Variants in STAT3 observed in about 807,000 individuals in gnomAD.
STAT3 encodes the protein signal transducer and activator of transcription 3.
Under a neutral mutation model 114.3 loss-of-function variants are expected in STAT3, and 7 were observed. That is an observed-to-expected ratio of 0.06 (90% confidence interval 0.03 to 0.11). The LOEUF is 0.11. Ranked by LOEUF, STAT3 falls within the 10% of genes least tolerant of loss-of-function variation. STAT3 has a pLI of 1.00. For synonymous variants in STAT3, 331 were observed against 354.5 expected, an observed-to-expected ratio of 0.93 and a Z score of 0.74; for missense variants, 364 against 960.9, an observed-to-expected ratio of 0.38 and a Z score of 8.21.
intron 1 of STAT3, among the ~76,000 whole-genome samples, chr17:42,384,716 G>C (rs1336738882): frequency 6.6e-6 from 1 of 151,932 alleles, no homozygotes; most frequent in Non-Finnish European, 1.5e-5. Context: ...CACCAGGCCT[G>C]GCTAATTTTT....
At chr17:42,360,243 G>T (rs893324794) in intron 1 of STAT3, among the ~76,000 whole-genome samples, 5 of 151,366 alleles carry the variant, frequency 3.3e-5, no homozygotes, top group African/African-American at 1.2e-4. Context: ...ATCTTGCCCA[G>T]GCTGGTCTCG....
chr17:42,349,540 C>T (rs2082846807), intron 1 of STAT3, among the ~76,000 whole-genome samples: 3 of 152,178 alleles, frequency 2.0e-5, no homozygotes, highest in Non-Finnish European at 1.5e-5. Context: ...GAAGATCTGC[C>T]TGAGATTCTC....
chr17:42,376,648 C>T (rs35987545), intron 1 of STAT3, among the ~76,000 whole-genome samples: 35 of 151,624 alleles, frequency 2.3e-4, no homozygotes, highest in African/African-American at 8.2e-4. Context: ...AGATAGAGAC[C>T]ATCCTGGCTA....
chr17:42,337,371 C>A lies in STAT3; in HGVS notation c.797+64G>T. 6.3e-7 allele frequency: 1 copy of A among 1,596,352 alleles called. No homozygotes were observed. The highest frequency in any genetic ancestry group is 8.6e-7 in the Non-Finnish European group (1 of 1,167,808). On this transcript the variant is annotated intron_variant, in intron 8 of 23. Transcript: ENST00000264657. This position sits in a 1 kb window ranked among gnomAD's most constrained non-coding sequence, Gnocchi z 4.0. Reference sequence around the variant, plus strand: ...ATATAGTACCAATTCTGTGGGCCTGCAGTTAAGATCAGAATTCAATCTAGC... The same window carrying A: ...ATATAGTACCAATTCTGTGGGCCTGAAGTTAAGATCAGAATTCAATCTAGC...
At chr17:42,366,065 T>C (rs958521180) in intron 1 of STAT3, among the ~76,000 whole-genome samples, 3 of 152,214 alleles carry the variant, frequency 2.0e-5, no homozygotes, top group Non-Finnish European at 4.4e-5. Flanking sequence ...CTCAAATTTA[T>C]GTCTCTAGCC....
intron 1 of STAT3, among the ~76,000 whole-genome samples, chr17:42,357,463 G>A (rs1347981476): frequency 6.6e-6 from 1 of 152,014 alleles, no homozygotes; most frequent in East Asian, 1.9e-4. Context: ...CCTGAGGTCA[G>A]GAGTTCGAGA....
At chr17:42,374,171 T>C (rs966681136) in intron 1 of STAT3, 2 of 152,160 alleles carry the variant, frequency 1.3e-5, no homozygotes, top group Non-Finnish European at 2.9e-5. Flanking sequence ...CTCATGAAAT[T>C]ATAATCCCAC....
In STAT3 at chr17:42,376,447, T is replaced by C. The variant is rs1160522367; in HGVS notation, c.-24+11832A>G. Among the ~76,000 whole-genome samples the C allele has an allele frequency of 4.0e-5, 6 of 150,184 alleles. No individual in the cohort carries two copies. The East Asian group carries it at 1.2e-3, about 29-fold the overall frequency. ...CTGTAGTCCCAGCTACTCAGGAGGCTGAGGCAGGAGAATCACTTGAACCCG... is the reference window on the plus strand; with the variant it reads ...CTGTAGTCCCAGCTACTCAGGAGGCCGAGGCAGGAGAATCACTTGAACCCG... On this transcript the variant is annotated intron_variant, in intron 1 of 23. Coordinates refer to ENST00000264657, the MANE Select transcript of STAT3 (RefSeq NM_139276.3).
At chr17:42,384,479 C>T (rs917412931) in intron 1 of STAT3, among the ~76,000 whole-genome samples, 5 of 151,876 alleles carry the variant, frequency 3.3e-5, no homozygotes, top group African/African-American at 1.2e-4. Flanking sequence ...ACTGAAATTC[C>T]TTGGTCCTGT....
At position 42,348,590 on chromosome 17, in the gene STAT3, C is replaced by A. The variant is rs2082800969; in HGVS notation, c.-23-51G>T. The A allele has an allele frequency of 4.4e-6, 7 of 1,606,944 alleles. No individual in the cohort carries two copies. The Admixed American group carries it at 1.0e-4, about 23-fold the overall frequency. ...CACCACAAGTCCCAGTAGGGGTAAA[C>A]AATCTAGAAGTAGCCATTGCCCAAC... On this transcript the variant is annotated intron_variant, in intron 1 of 23. Coordinates refer to ENST00000264657, the MANE Select transcript of STAT3 (RefSeq NM_139276.3).
intron 1 of STAT3, among the ~76,000 whole-genome samples, chr17:42,361,739 C>G (rs909997564): frequency 6.6e-6 from 1 of 152,014 alleles, no homozygotes; most frequent in African/African-American, 2.4e-5. Context: ...GAGACCACGG[C>G]AGAAGAGGAG....
chr17:42,328,350 G>C lies in STAT3; in HGVS notation c.1281+1060C>G, dbSNP rs544375978. The stretch of plus-strand genomic sequence containing the variant: ...CATTTTCCCATATCATTGCATACAG[G>C]CTACTTCACTCTACTGTCAAGTAAA... On this transcript the variant is annotated intron_variant, in intron 14 of 23. Transcript: ENST00000264657. Among the ~76,000 whole-genome samples the C allele has an allele frequency of 4.6e-5, 7 of 152,094 alleles. No individual in the cohort carries two copies. The South Asian group carries it at 1.5e-3, about 32-fold the overall frequency.
chr17:42,363,808 C>T (rs35314169), intron 1 of STAT3, among the ~76,000 whole-genome samples: 45,868 of 151,618 alleles, frequency 0.3, 7,257 homozygotes, highest in East Asian at 0.4. Flanking sequence ...TCCTCCTTGC[C>T]CCCCACCCAC....
Position 42,324,596 on chromosome 17 carries a change from C to A in STAT3, c.1600+115G>T. On this transcript the variant is annotated intron_variant, in intron 17 of 23. Transcript: ENST00000264657. This position sits in a 1 kb window ranked among gnomAD's most constrained non-coding sequence, Gnocchi z 4.5. The stretch of plus-strand genomic sequence containing the variant: ...TTCCTGGCACCAGCACAGCGCCTTG[C>A]TCAGGAAAGAAACATGGCCTAATGC... 1 of 1,434,554 alleles carries A rather than the reference C, an allele frequency of 7.0e-7. No homozygotes were observed. The highest frequency in any genetic ancestry group is 9.4e-7 in the Non-Finnish European group (1 of 1,066,002). 88.9% of individuals were successfully genotyped at this position (1,434,554 alleles called of 1,614,324 possible).
At position 42,351,603 on chromosome 17, in the gene STAT3, T is replaced by C. The variant is rs544701491; in HGVS notation, c.-23-3064A>G. ...TTCTAAATCTCCTGTGTACTTTACA[T>C]GTGCAGCACAGCTCCAAGGTATTTT... On this transcript the variant is annotated intron_variant, in intron 1 of 23. Coordinates refer to ENST00000264657, the MANE Select transcript of STAT3 (RefSeq NM_139276.3). Among the ~76,000 whole-genome samples, 14 of 152,274 alleles carry C rather than the reference T, an allele frequency of 9.2e-5. No individual in the cohort carries two copies. The South Asian group carries it at 2.5e-3, about 27-fold the overall frequency.
chr17:42,322,328 C>T lies in STAT3; in HGVS notation c.2055G>A (p.Lys685=). Residue 685 remains lysine (K), a synonymous_variant, in exon 21 of 24, where the codon AAG becomes AAA. Coordinates refer to ENST00000264657, the MANE Select transcript of STAT3 (RefSeq NM_139276.3). ...GCTCCTGGCTCTCTGGCCGACAATA[C>T]TTTCCGAATGCCTCCTCCTTGGGAA... The part of the protein sequence containing the change: ...PDIPKEEAFG[K]YCRPESQEHP... 1 of 1,614,238 alleles carries T rather than the reference C, an allele frequency of 6.2e-7. No homozygotes were observed. Among genetic ancestry groups the T allele is most frequent in the Non-Finnish European group, 8.5e-7 (1 of 1,180,038 alleles).
intron 1 of STAT3, among the ~76,000 whole-genome samples, chr17:42,359,292 T>C (rs1231874258): frequency 3.9e-5 from 6 of 152,236 alleles, no homozygotes; most frequent in South Asian, 2.1e-4. Flanking sequence ...GGTTAATCCA[T>C]CAGATTCACT....
chr17:42,384,140 T>A lies in STAT3; in HGVS notation c.-24+4139A>T, dbSNP rs537742782. 3.3e-3 allele frequency among the ~76,000 whole-genome samples: 491 copies of A among 149,998 alleles called. 4 individuals are homozygous for A. The highest frequency in any genetic ancestry group is 0.011 in the African/African-American group (460 of 41,040). On this transcript the variant is annotated intron_variant, in intron 1 of 23. Transcript: ENST00000264657. The stretch of plus-strand genomic sequence containing the variant: ...TATTTATTTATTTATTTATTTTTTT[T>A]TTTTTTGAGACGGAGTCTCGCTCTG...
At chr17:42,375,598 G>C (rs112217019) in intron 1 of STAT3, among the ~76,000 whole-genome samples, 1 of 152,118 alleles carries the variant, frequency 6.6e-6, no homozygotes, top group Non-Finnish European at 1.5e-5. Context: ...GGAGGCTGAG[G>C]CAGGCAGATC....
Sources: gnomAD v4.1 joint callset for allele counts (sites outside exome capture counted in the v4.1 genomes callset) on GRCh38, gnomAD v4.1.1 for gene constraint, Gnocchi (gnomAD v3.1) non-coding constraint, MANE v1.5 for transcripts, NCBI Gene and HGNC (gene_info 2026-07-23, HGNC 2026-07-21) for gene names.